Variants in XPO5 observed in about 807,000 individuals in gnomAD.
XPO5 encodes the protein exportin-5.
Under a neutral mutation model 160.6 loss-of-function variants are expected in XPO5, and 46 were observed. The ratio of observed to expected loss-of-function variants is 0.29; its 90% CI spans 0.23 to 0.37. The LOEUF is 0.37. XPO5 is among the 10% of genes least tolerant of loss of function. XPO5 has a pLI of 1.00. For missense variants in XPO5, 1,090 were observed against 1,463.9 expected, an observed-to-expected ratio of 0.74 and a Z score of 4.17; for synonymous variants, 537 against 519.3, an observed-to-expected ratio of 1.03 and a Z score of -0.46.
intron 20 of XPO5, among the ~76,000 whole-genome samples, chr6:43,541,669 T>TATGG (rs770140739): frequency 8.7e-4 from 132 of 152,246 alleles, no homozygotes; most frequent in Non-Finnish European, 1.3e-3. Context: ...TCATACAACA[T>TATGG]ATGGCCTTTT....
intron 20 of XPO5, among the ~76,000 whole-genome samples, chr6:43,535,216 C>CGCCACTGCACTCCAGCCTGG (rs1794241362): frequency 7.0e-6 from 1 of 143,402 alleles, no homozygotes; most frequent in Non-Finnish European, 1.5e-5. Flanking sequence ...GCCAAGACTG[C>CGCCACTGCACTCCAGCCTGG]GCCACTGCAC....
intron 24 of XPO5, 67 bp downstream of exon 24, chr6:43,528,761 C>T (rs200634355): frequency 5.2e-4 from 778 of 1,482,998 alleles, no homozygotes; most frequent in Non-Finnish European, 6.9e-4. Flanking sequence ...TCCTGACTTG[C>T]AAAGCTCAGA....
rs770856821 is a variant in XPO5 at position 43,558,586 on chromosome 6, G to C, written c.1227C>G (p.Gly409=). ...RASMTNLVKM[G]FPSKTDSPSC... is the part of the protein sequence containing the mutation. Reference sequence around the variant, plus strand: ...TAGGGCTGTCTGTTTTAGAAGGAAAGCCCATCTGGAAAAAGAAAGGTAATT... The same window carrying C: ...TAGGGCTGTCTGTTTTAGAAGGAAACCCCATCTGGAAAAAGAAAGGTAATT... The change falls in exon 12 of 32, where the codon GGC becomes GGG. Residue 409 remains glycine, a synonymous_variant. Coordinates refer to ENST00000265351, the MANE Select transcript of XPO5 (RefSeq NM_020750.3). 2 of 1,584,432 alleles carry C rather than the reference G, an allele frequency of 1.3e-6. No individual in the cohort carries two copies. Among genetic ancestry groups the C allele is most frequent in the Non-Finnish European group, 1.7e-6 (2 of 1,166,794 alleles).
intron 6 of XPO5, 27 bp downstream of exon 6, chr6:43,568,684 C>G (rs996536746): frequency 5.7e-6 from 9 of 1,566,206 alleles, no homozygotes; most frequent in Non-Finnish European, 6.9e-6. Flanking sequence ...TCAAAGGTCT[C>G]CTTCAAACTT....
intron 20 of XPO5, among the ~76,000 whole-genome samples, chr6:43,534,223 A>G (rs1156612175): frequency 6.6e-6 from 1 of 152,216 alleles, no homozygotes; most frequent in African/African-American, 2.4e-5. Flanking sequence ...CCTAAGATAA[A>G]TTAACATGAG....
chr6:43,548,136 T>G (rs1795053831), intron 18 of XPO5, 125 bp downstream of exon 18: 16 of 990,224 alleles, frequency 1.6e-5, no homozygotes, highest in Non-Finnish European at 2.3e-5. Flanking sequence ...TTAGAGAACT[T>G]CAGATATCAT....
chr6:43,525,891 G>C lies in XPO5; in HGVS notation c.3014C>G (p.Pro1005Arg), dbSNP rs1793553930. 6.2e-7 allele frequency: 1 copy of C among 1,613,986 alleles called. No homozygotes were observed. The highest frequency in any genetic ancestry group is 8.5e-7 in the Non-Finnish European group (1 of 1,179,884). Residue 1005 changes from proline to arginine, a missense_variant, in exon 28 of 32, where the codon CCC becomes CGC. Physicochemically the swap from Pro to Arg is moderately radical, Grantham distance 103. Coordinates refer to ENST00000265351, the MANE Select transcript of XPO5 (RefSeq NM_020750.3). ...DEEMMATEVT[P>R]SAMAELTDLG... The stretch of plus-strand genomic sequence containing the variant: ...GTCTGTAAGCTCTGCCATAGCTGAG[G>C]GGGTGACCTCTGTGGCCATCATTTC...
chr6:43,548,654 CTT>C lies in XPO5; in HGVS notation c.1861-196_1861-195del, dbSNP rs1327690550. The stretch of plus-strand genomic sequence containing the variant: ...AAGGCAATTTAGGCGGAAGATAGCT[CTT>C]GTCTTGAGTATTTGGATAACTGCAC... On this transcript the variant is annotated intron_variant, in intron 17 of 31. Transcript: ENST00000265351. 5.3e-5 allele frequency among the ~76,000 whole-genome samples: 8 copies of C among 151,878 alleles called. No homozygotes were observed. The East Asian group carries it at 1.2e-3, about 22-fold the overall frequency.
Position 43,523,745 on chromosome 6 carries a change from A to T in XPO5, c.*123T>A, listed in dbSNP as rs768919487. On this transcript the variant is annotated 3_prime_UTR_variant, in exon 32 of 32. Coordinates refer to ENST00000265351, the MANE Select transcript of XPO5 (RefSeq NM_020750.3). ...CTGTTCTCTCCAGCTCCAGACCTGG[A>T]TCTCTTTCCAGGCTGACAGTGGTGG... 19 of 1,502,258 alleles carry T rather than the reference A, an allele frequency of 1.3e-5. No homozygotes were observed. Among genetic ancestry groups the T allele is most frequent in the Non-Finnish European group, 1.8e-5 (19 of 1,078,936 alleles). 93.1% of individuals were successfully genotyped at this position (1,502,258 alleles called of 1,614,324 possible). A position where few individuals can be genotyped will look rare whatever the true frequency, so the allele number is the denominator to read the frequency against.
chr6:43,531,806 T>C (rs568160686), intron 21 of XPO5, among the ~76,000 whole-genome samples: 28 of 152,224 alleles, frequency 1.8e-4, no homozygotes, highest in African/African-American at 6.3e-4. Flanking sequence ...GCTTTTTTTT[T>C]TCCCCCAGAT....
chr6:43,556,089 C>T, intron 12 of XPO5, 125 bp from the exon 13 acceptor site: 4 of 1,292,184 alleles, frequency 3.1e-6, no homozygotes, highest in Non-Finnish European at 4.2e-6. Flanking sequence ...CAGACTTGTG[C>T]TTTGCATGTA....
intron 10 of XPO5, 54 bp from the exon 11 acceptor site, chr6:43,560,357 G>C (rs911812489): frequency 6.6e-7 from 1 of 1,522,262 alleles, no homozygotes. Context: ...ATATAACCCA[G>C]ATTATTACTT....
intron 15 of XPO5, chr6:43,550,918 T>C (rs181383468): frequency 1.0e-3 from 164 of 156,984 alleles, no homozygotes; most frequent in Non-Finnish European, 2.0e-3. Flanking sequence ...CAAGTCTTCA[T>C]TGCAATGCCA....
Position 43,532,733 on chromosome 6 carries a change from G to A in XPO5, c.2444-1158C>T, listed in dbSNP as rs74824398. On this transcript the variant is annotated intron_variant, in intron 21 of 31. Coordinates refer to ENST00000265351, the MANE Select transcript of XPO5 (RefSeq NM_020750.3). Reference sequence around the variant, plus strand: ...CCTCTGAGACTGGGTTAGGTCTCCCGATAAACACTCAGAGCCCTGCCACTT... The same window carrying A: ...CCTCTGAGACTGGGTTAGGTCTCCCAATAAACACTCAGAGCCCTGCCACTT... Among the ~76,000 whole-genome samples the A allele has an allele frequency of 2.8e-3, 426 of 152,266 alleles. 6 individuals carry two copies. Among genetic ancestry groups the A allele is most frequent in the African/African-American group, 9.6e-3 (399 of 41,530 alleles).
intron 20 of XPO5, among the ~76,000 whole-genome samples, chr6:43,540,251 G>A (rs780073735): frequency 1.3e-5 from 2 of 152,142 alleles, no homozygotes; most frequent in Non-Finnish European, 2.9e-5. Context: ...TAGCCAGGCC[G>A]GGCGGATCAC....
At chr6:43,567,644 G>A (rs928135562) in intron 6 of XPO5, among the ~76,000 whole-genome samples, 3 of 152,032 alleles carry the variant, frequency 2.0e-5, no homozygotes, top group South Asian at 2.1e-4. Context: ...TGCAATACCA[G>A]CACTTTGGGA....
chr6:43,538,236 G>A (rs1002214479), intron 20 of XPO5, among the ~76,000 whole-genome samples: 5 of 123,686 alleles, frequency 4.0e-5, no homozygotes, highest in Non-Finnish European at 6.3e-5. Flanking sequence ...TGCAACCTCC[G>A]CCTGCTGGGT....
At chr6:43,563,391 TC>T (rs1359315980) in intron 8 of XPO5, among the ~76,000 whole-genome samples, 3 of 152,200 alleles carry the variant, frequency 2.0e-5, no homozygotes, top group Non-Finnish European at 4.4e-5. Flanking sequence ...CGGCTTGGCC[TC>T]CCAAAATATG....
Position 43,572,560 on chromosome 6 carries a change from C to T in XPO5, c.246G>A (p.Met82Ile). The change falls in exon 3 of 32, where the codon ATG (methionine) becomes ATA (isoleucine). Residue 82 changes from methionine to isoleucine, a missense_variant. Met to Ile is a conservative substitution (Grantham distance 10). This residue lies in a region of XPO5 where 170 missense variants were observed against 227.0 expected (regional missense o/e 0.75). Coordinates refer to ENST00000265351, the MANE Select transcript of XPO5 (RefSeq NM_020750.3). ...EHVVKFRWNG[M>I]SRLEKVYLKN... ...TCAGATACACCTTCTCCAATCGAGA[C>T]ATGCCGTTCCACCGAAACCTGACCA... The T allele has an allele frequency of 6.2e-7, 1 of 1,614,002 alleles. No homozygotes were observed. The highest frequency in any genetic ancestry group is 8.5e-7 in the Non-Finnish European group (1 of 1,179,900).
Sources: allele counts gnomAD v4.1 joint callset (sites outside exome capture counted in the v4.1 genomes callset), GRCh38; gene constraint gnomAD v4.1.1; regional missense constraint gnomAD v4.1.1; transcripts MANE v1.5; gene names NCBI Gene and HGNC (gene_info 2026-07-23, HGNC 2026-07-21).